MECOM: variants seen among roughly 807,000 people sequenced by gnomAD.
The protein encoded by MECOM is histone-lysine N-methyltransferase MECOM.
MECOM carries 13 observed loss-of-function variants against 116.3 expected under a neutral mutation model. The ratio of observed to expected loss-of-function variants is 0.11; its 90% CI spans 0.07 to 0.18. MECOM has a LOEUF of 0.18. Among genes scored for constraint, MECOM ranks in the 10% least tolerant of loss-of-function variants. The probability of loss-of-function intolerance (pLI) is 1.00; values close to 1 mark genes in which losing one functional copy is unlikely to be tolerated. For synonymous variants in MECOM, 528 were observed against 535.2 expected, an observed-to-expected ratio of 0.99 and a Z score of 0.19; for missense variants, 1,299 against 1,509.0, an observed-to-expected ratio of 0.86 and a Z score of 2.31.
intron 1 of MECOM, among the ~76,000 whole-genome samples, chr3:169,557,093 G>A (rs898521157): frequency 2.6e-5 from 4 of 152,074 alleles, no homozygotes; most frequent in Non-Finnish European, 5.9e-5. Flanking sequence ...GGCCGGAAAT[G>A]CTGCAAGTCC....
At chr3:169,656,944 A>G (rs1436365430) in intron 1 of MECOM, among the ~76,000 whole-genome samples, 3 of 152,248 alleles carry the variant, frequency 2.0e-5, no homozygotes, top group African/African-American at 7.2e-5. Context: ...AATAATTAGT[A>G]AAACCATAGG....
chr3:169,145,373 T>A (rs1470954725), intron 2 of MECOM: 1 of 269,192 alleles, frequency 3.7e-6, no homozygotes, highest in East Asian at 5.5e-5. Flanking sequence ...AACTTGAGAT[T>A]TCCCCCCATC....
At chr3:169,386,557 G>A (rs1273878) in intron 1 of MECOM, among the ~76,000 whole-genome samples, 149,822 of 152,332 alleles carry the variant, frequency 0.98, 73,697 homozygotes, top group East Asian at 1. Flanking sequence ...TTCCTTATGT[G>A]TATTTTACTA....
At chr3:169,155,417 G>T (rs945484871) in intron 2 of MECOM, among the ~76,000 whole-genome samples, 2 of 152,020 alleles carry the variant, frequency 1.3e-5, no homozygotes, top group African/African-American at 4.8e-5. Flanking sequence ...TGGTTCAGTT[G>T]GTCTGTTAAA....
At chr3:169,486,008 A>AC (rs1752299503) in intron 1 of MECOM, among the ~76,000 whole-genome samples, 1 of 36,472 alleles carries the variant, frequency 2.7e-5, no homozygotes, top group African/African-American at 9.4e-5. Flanking sequence ...TATATATACT[A>AC]TATATATATG....
intron 2 of MECOM, among the ~76,000 whole-genome samples, chr3:169,325,145 C>T (rs570590722): frequency 1.3e-5 from 2 of 152,238 alleles, no homozygotes; most frequent in East Asian, 1.9e-4. Flanking sequence ...AGAAGCACCC[C>T]GAGGTGGACA....
intron 1 of MECOM, among the ~76,000 whole-genome samples, chr3:169,534,698 G>T (rs536126370): frequency 2.0e-4 from 31 of 152,250 alleles, no homozygotes; most frequent in African/African-American, 6.7e-4. Context: ...CACTGTCTTA[G>T]GTCCTCTACC....
Position 169,564,624 on chromosome 3 carries a change from T to C in MECOM, c.37+98712A>G, listed in dbSNP as rs553534702. Among the ~76,000 whole-genome samples, 15 of 152,356 alleles carry C rather than the reference T, an allele frequency of 9.8e-5. No individual in the cohort carries two copies. In the South Asian group the frequency reaches 2.7e-3, roughly 27 times the overall value. The stretch of plus-strand genomic sequence containing the variant: ...AAAATACTTTAGCAAGAGCTACTTA[T>C]ATAAAAAATGGTATTGCCCATGCAA... On this transcript the variant is annotated intron_variant, in intron 1 of 16. Coordinates refer to ENST00000651503, the MANE Select transcript of MECOM (RefSeq NM_004991.4).
At chr3:169,348,098 G>A (rs766980812) in intron 2 of MECOM, among the ~76,000 whole-genome samples, 1 of 152,090 alleles carries the variant, frequency 6.6e-6, no homozygotes, top group East Asian at 1.9e-4. Context: ...TCTAGCAACC[G>A]AAATAACTCT....
intron 2 of MECOM, among the ~76,000 whole-genome samples, chr3:169,248,031 G>T (rs933703817): frequency 6.6e-6 from 1 of 152,156 alleles, no homozygotes; most frequent in Non-Finnish European, 1.5e-5. Flanking sequence ...GTCATAGATA[G>T]GTTGTGAAGA....
chr3:169,088,981 AC>A lies in MECOM; in HGVS notation c.3585+18del. 2 of 1,555,934 alleles carry A rather than the reference AC, an allele frequency of 1.3e-6. No homozygotes were observed. The highest frequency in any genetic ancestry group is 1.7e-6 in the Non-Finnish European group (2 of 1,154,878). On this transcript the variant is annotated intron_variant, in intron 16 of 16. Coordinates refer to ENST00000651503, the MANE Select transcript of MECOM (RefSeq NM_004991.4). ...ATGCATAATGTAACCATGATGCTGTACTATGGGAAAATCTGTACCTGCGATT... is the reference window on the plus strand; with the variant it reads ...ATGCATAATGTAACCATGATGCTGTATATGGGAAAATCTGTACCTGCGATT...
intron 1 of MECOM, among the ~76,000 whole-genome samples, chr3:169,586,087 T>G (rs9875833): frequency 0.073 from 11,118 of 152,306 alleles, 443 homozygotes; most frequent in East Asian, 0.12. Context: ...ACTCAATTTC[T>G]ATTTTTTATA....
intron 1 of MECOM, among the ~76,000 whole-genome samples, chr3:169,474,373 A>G (rs1750021340): frequency 6.6e-6 from 1 of 152,182 alleles, no homozygotes; most frequent in Non-Finnish European, 1.5e-5. Flanking sequence ...TTTTTTCAAT[A>G]TACGGTTTAT....
intron 2 of MECOM, among the ~76,000 whole-genome samples, chr3:169,184,748 A>C (rs1577284070): frequency 6.6e-6 from 1 of 152,160 alleles, no homozygotes; most frequent in Non-Finnish European, 1.5e-5. Flanking sequence ...TAAGTAAATA[A>C]AAGTTTAACT....
chr3:169,300,001 C>A (rs924298771), intron 2 of MECOM, among the ~76,000 whole-genome samples: 9 of 152,178 alleles, frequency 5.9e-5, no homozygotes, highest in Admixed American at 1.3e-4. Flanking sequence ...GAGACAGCCA[C>A]GAGTCCCTCA....
chr3:169,548,734 A>T (rs1761022387), intron 1 of MECOM, among the ~76,000 whole-genome samples: 2 of 152,198 alleles, frequency 1.3e-5, no homozygotes, highest in Admixed American at 6.5e-5. Flanking sequence ...TCTCTCCATC[A>T]TTCAGGCCAA....
intron 2 of MECOM, among the ~76,000 whole-genome samples, chr3:169,154,184 G>A (rs1741602331): frequency 6.6e-6 from 1 of 152,064 alleles, no homozygotes; most frequent in African/African-American, 2.4e-5. Flanking sequence ...TGCAGCAAAG[G>A]TGGAATACCA....
chr3:169,593,080 G>C (rs1214258419), intron 1 of MECOM, among the ~76,000 whole-genome samples: 4 of 152,154 alleles, frequency 2.6e-5, no homozygotes, highest in Non-Finnish European at 5.9e-5. Context: ...CTATTGAGAA[G>C]GGGTCTCGCT....
chr3:169,291,424 T>A (rs1006299454), intron 2 of MECOM, among the ~76,000 whole-genome samples: 2 of 152,218 alleles, frequency 1.3e-5, no homozygotes, highest in Non-Finnish European at 2.9e-5. Flanking sequence ...AAAACTTGGC[T>A]TATACTTTCC....
Sources: allele counts gnomAD v4.1 joint callset (sites outside exome capture counted in the v4.1 genomes callset), GRCh38; gene constraint gnomAD v4.1.1; transcripts MANE v1.5; gene names NCBI Gene and HGNC (gene_info 2026-07-23, HGNC 2026-07-21).